Variants in SPATS2L observed in about 807,000 individuals in gnomAD.
SPATS2L encodes spermatogenesis associated serine rich 2 like.
SPATS2L carries 30 observed loss-of-function variants against 59.6 expected under a neutral mutation model. That is an observed-to-expected ratio of 0.50 (90% CI 0.38 to 0.68). The LOEUF (loss-of-function observed/expected upper bound fraction) is 0.68, where lower values mean the gene tolerates loss of function less well. Among genes scored for constraint, SPATS2L ranks in the 30% least tolerant of loss-of-function variants. The pLI is 0.00. For synonymous variants in SPATS2L, 252 were observed against 263.5 expected, an observed-to-expected ratio of 0.96 and a Z score of 0.42; for missense variants, 615 against 700.0, an observed-to-expected ratio of 0.88 and a Z score of 1.37.
intron 2 of SPATS2L, among the ~76,000 whole-genome samples, chr2:200,337,130 A>T (rs1416967968): frequency 1.3e-5 from 2 of 152,190 alleles, no homozygotes; most frequent in African/African-American, 2.4e-5. Flanking sequence ...AGGATGATTT[A>T]TTATTTGTCA....
chr2:200,344,504 C>A (rs1268957711), intron 2 of SPATS2L, among the ~76,000 whole-genome samples: 4 of 152,114 alleles, frequency 2.6e-5, no homozygotes, highest in Non-Finnish European at 4.4e-5. Context: ...CATGTCTTTG[C>A]CATTGTGAAT....
chr2:200,346,956 G>T lies in SPATS2L; in HGVS notation c.-23+17476G>T, dbSNP rs540441132. 4.6e-5 allele frequency among the ~76,000 whole-genome samples: 7 copies of T among 152,248 alleles called. No homozygotes were observed. In the South Asian group the frequency reaches 1.2e-3, roughly 27 times the overall value. On this transcript the variant is annotated intron_variant, in intron 2 of 12. Transcript: ENST00000409140. ...GCTTGCAGATCCTGTATTTTTAATT[G>T]TAGTTACATTATTTTTCAATTGAGT...
intron 6 of SPATS2L, among the ~76,000 whole-genome samples, chr2:200,433,340 T>C (rs937510467): frequency 6.6e-6 from 1 of 152,054 alleles, no homozygotes; most frequent in African/African-American, 2.4e-5. Context: ...CCAATTGATA[T>C]TTAAAGGACA....
intron 4 of SPATS2L, among the ~76,000 whole-genome samples, chr2:200,413,116 G>A (rs2082940946): frequency 6.6e-6 from 1 of 152,286 alleles, no homozygotes; most frequent in African/African-American, 2.4e-5. Flanking sequence ...GGAGGATAAT[G>A]TATTTTGGTC....
chr2:200,477,515 T>TAAAAAAAAAAAAA lies in SPATS2L; in HGVS notation c.1282-110_1282-98dup, dbSNP rs59073895. On this transcript the variant is annotated intron_variant, in intron 12 of 12. Coordinates refer to ENST00000409140, the MANE Select transcript of SPATS2L (RefSeq NM_001100423.2). ...CATGTTTTCTGATTCTTCTGGTGTA[T>TAAAAAAAAAAAAA]AAAAAAAAAAAAAAAAAAAAAAAGC... 3.0e-3 allele frequency: 900 copies of TAAAAAAAAAAAAA among 302,540 alleles called. 76 individuals are homozygous for TAAAAAAAAAAAAA. The African/African-American group carries it at 0.033, about 11-fold the overall frequency. 18.7% of individuals were successfully genotyped at this position (302,540 alleles called of 1,614,324 possible). A position where few individuals can be genotyped will look rare whatever the true frequency, so the allele number is the denominator to read the frequency against.
chr2:200,469,466 T>A (rs1282691169), intron 10 of SPATS2L, among the ~76,000 whole-genome samples: 1 of 152,340 alleles, frequency 6.6e-6, no homozygotes, highest in East Asian at 1.9e-4. Context: ...AATAATATTT[T>A]CCAGACACTA....
intron 6 of SPATS2L, among the ~76,000 whole-genome samples, chr2:200,429,149 G>A (rs537106531): frequency 6.6e-6 from 1 of 152,242 alleles, no homozygotes; most frequent in African/African-American, 2.4e-5. Flanking sequence ...TAGCTATGCT[G>A]GTCTCTGTTT....
intron 2 of SPATS2L, among the ~76,000 whole-genome samples, 177 bp from the exon 3 acceptor site, chr2:200,389,046 G>A (rs3739118): frequency 0.22 from 33,979 of 152,098 alleles, 4,333 homozygotes; most frequent in South Asian, 0.3. Flanking sequence ...TAGAGTTATT[G>A]TAACATGCTT....
chr2:200,386,674 T>C (rs2082002929), intron 2 of SPATS2L, among the ~76,000 whole-genome samples: 1 of 152,234 alleles, frequency 6.6e-6, no homozygotes, highest in South Asian at 2.1e-4. Context: ...ATTTCACATA[T>C]CTGTAATGGC....
In SPATS2L at chr2:200,415,178, G is replaced by T. The variant is rs536798993; in HGVS notation, c.149-1201G>T. 3.7e-4 allele frequency among the ~76,000 whole-genome samples: 57 copies of T among 152,242 alleles called. No individual in the cohort carries two copies. The South Asian group carries it at 0.012, about 31-fold the overall frequency. ...AGTCTGAATTATAGCTTACTTTTAG[G>T]TGCAGTCTTATTATTTCAAGTACAT... On this transcript the variant is annotated intron_variant, in intron 4 of 12. Transcript: ENST00000409140.
intron 8 of SPATS2L, among the ~76,000 whole-genome samples, chr2:200,441,054 A>G (rs749397286): frequency 5.9e-5 from 9 of 152,238 alleles, no homozygotes; most frequent in Non-Finnish European, 1.2e-4. Flanking sequence ...AAACCTCAAC[A>G]AAGAATAAAA....
At chr2:200,361,653 T>A (rs1054339331) in intron 2 of SPATS2L, among the ~76,000 whole-genome samples, 1 of 152,226 alleles carries the variant, frequency 6.6e-6, no homozygotes, top group East Asian at 1.9e-4. Context: ...AGTTGACCGC[T>A]AGATTTACAA....
chr2:200,452,617 T>C (rs1422073839), intron 8 of SPATS2L, among the ~76,000 whole-genome samples: 1 of 152,178 alleles, frequency 6.6e-6, no homozygotes, highest in African/African-American at 2.4e-5. Flanking sequence ...AGAAATAAAA[T>C]GTCAGCCTGA....
intron 2 of SPATS2L, among the ~76,000 whole-genome samples, chr2:200,357,330 A>G (rs2080949453): frequency 6.6e-6 from 1 of 152,152 alleles, no homozygotes; most frequent in Admixed American, 6.5e-5. Flanking sequence ...AGCCCTTAGC[A>G]TTGCTGGCTA....
At chr2:200,325,949 TC>T (rs1357646246) in intron 1 of SPATS2L, among the ~76,000 whole-genome samples, 1 of 152,220 alleles carries the variant, frequency 6.6e-6, no homozygotes, top group Non-Finnish European at 1.5e-5. Flanking sequence ...GGGCTCCTAC[TC>T]TGTGCTAAGC....
At chr2:200,343,175 A>G (rs192321497) in intron 2 of SPATS2L, among the ~76,000 whole-genome samples, 3 of 152,342 alleles carry the variant, frequency 2.0e-5, no homozygotes, top group Admixed American at 2.0e-4. Context: ...TAATATTGTC[A>G]GGGACTGACC....
chr2:200,342,096 A>G (rs1018641991), intron 2 of SPATS2L, among the ~76,000 whole-genome samples: 3 of 152,190 alleles, frequency 2.0e-5, no homozygotes, highest in African/African-American at 4.8e-5. Flanking sequence ...TAAATCATGC[A>G]AAATAAGTTT....
chr2:200,309,150 A>G, intron 1 of SPATS2L: 1 of 717,378 alleles, frequency 1.4e-6, no homozygotes, highest in Non-Finnish European at 2.6e-6. Flanking sequence ...TTTGGGGCCT[A>G]ATTTTTGTGA....
intron 2 of SPATS2L, among the ~76,000 whole-genome samples, chr2:200,335,878 G>A (rs2080125761): frequency 6.6e-6 from 1 of 152,222 alleles, no homozygotes; most frequent in African/African-American, 2.4e-5. Flanking sequence ...TATCTGGGTG[G>A]TTAGGTATTG....
Sources: gnomAD v4.1 joint callset for allele counts (sites outside exome capture counted in the v4.1 genomes callset) on GRCh38, gnomAD v4.1.1 for gene constraint, MANE v1.5 for transcripts, NCBI Gene and HGNC (gene_info 2026-07-23, HGNC 2026-07-21) for gene names.